The following NEMF variants were observed in gnomAD, a reference collection of about 807,000 sequenced individuals.
NEMF encodes the protein nuclear export mediator factor, also known as ribosome quality control complex subunit NEMF.
NEMF carries 89 observed loss-of-function variants against 162.2 expected under a neutral mutation model. The ratio of observed to expected loss-of-function variants is 0.55; its 90% CI spans 0.46 to 0.65. The LOEUF (loss-of-function observed/expected upper bound fraction) is 0.65. Ranked by LOEUF, NEMF falls within the 30% of genes least tolerant of loss-of-function variation. The probability of loss-of-function intolerance (pLI) is 0.00; values close to 1 mark genes in which losing one functional copy is unlikely to be tolerated. For synonymous variants in NEMF, 421 were observed against 404.5 expected (o/e 1.04, Z -0.49); for missense variants, 1,133 against 1,261.9 (o/e 0.90, Z 1.55).
chr14:49,813,904 C>T (rs1891600290), intron 18 of NEMF, 84 bp downstream of exon 18: 3 of 792,698 alleles, frequency 3.8e-6, no homozygotes, highest in African/African-American at 3.5e-5. Context: ...ACATCTGGCC[C>T]TCTATTAAAT....
At chr14:49,804,077 T>C (rs905078929) in intron 19 of NEMF, among the ~76,000 whole-genome samples, 1 of 151,156 alleles carries the variant, frequency 6.6e-6, no homozygotes, top group Admixed American at 6.6e-5. Context: ...TGATCTTGGC[T>C]CACTGCAATC....
intron 22 of NEMF, 60 bp downstream of exon 22, chr14:49,802,393 A>G: frequency 1.3e-5 from 20 of 1,564,912 alleles, no homozygotes; most frequent in Non-Finnish European, 1.7e-5. Flanking sequence ...CTAAGGATTT[A>G]GAAGCAAAAC....
chr14:49,813,987 C>CT lies in NEMF; in HGVS notation c.1744_1744+1insA (p.Gly582GlufsTer11). The CT allele has an allele frequency of 6.8e-7, 1 of 1,464,368 alleles. No individual in the cohort carries two copies. Among genetic ancestry groups the CT allele is most frequent in the Non-Finnish European group, 9.6e-7 (1 of 1,043,926 alleles). The allele number at this position is 1,464,368 out of a possible 1,614,324, so 90.7% of individuals were successfully genotyped here. ...ATTCTGAATAGAAAGAAATATATTA[C>CT]CTGTTGGATTCTTAATTACACAGCT... On this transcript the variant is annotated frameshift_variant and splice_region_variant. Transcript: ENST00000298310. LOFTEE classifies it high-confidence loss of function.
At chr14:49,796,466 T>C in intron 25 of NEMF, 1 of 302,268 alleles carries the variant, frequency 3.3e-6, no homozygotes, top group Non-Finnish European at 6.5e-6. Context: ...AGAGTCTACA[T>C]ACTCTGAATT....
intron 4 of NEMF, chr14:49,844,654 T>TA: frequency 6.2e-6 from 1 of 160,442 alleles, no homozygotes; most frequent in South Asian, 1.6e-4. Context: ...TTTTAATTTT[T>TA]AAAAAAATTA....
At chr14:49,796,486 T>A (rs1040813808) in intron 25 of NEMF, among the ~76,000 whole-genome samples, 10 of 152,080 alleles carry the variant, frequency 6.6e-5, no homozygotes, top group Non-Finnish European at 1.2e-4. Flanking sequence ...TTTTTTTTTT[T>A]AAAACGGAGT....
intron 3 of NEMF, among the ~76,000 whole-genome samples, chr14:49,850,577 A>G (rs1057308860): frequency 6.6e-6 from 1 of 152,206 alleles, no homozygotes; most frequent in Non-Finnish European, 1.5e-5. Context: ...CGTGTACCAC[A>G]TGAATTTTCA....
chr14:49,792,894 T>TA (rs1890520372), intron 26 of NEMF, among the ~76,000 whole-genome samples: 7 of 152,112 alleles, frequency 4.6e-5, no homozygotes, highest in Admixed American at 4.6e-4. Context: ...GGTATTAGGA[T>TA]GGTTTGGGCC....
intron 19 of NEMF, among the ~76,000 whole-genome samples, chr14:49,805,307 C>G (rs948635975): frequency 6.6e-6 from 1 of 152,032 alleles, no homozygotes; most frequent in African/African-American, 2.4e-5. Flanking sequence ...TTATAATTCT[C>G]AAAAGTATGA....
At chr14:49,850,931 C>CGGT (rs1442380244) in intron 3 of NEMF, among the ~76,000 whole-genome samples, 1 of 152,152 alleles carries the variant, frequency 6.6e-6, no homozygotes, top group Non-Finnish European at 1.5e-5. Context: ...GGGCCAGGCG[C>CGGT]GGTGGCTCAT....
chr14:49,832,166 A>T, intron 9 of NEMF, 40 bp from the exon 10 acceptor site: 1 of 1,596,428 alleles, frequency 6.3e-7, no homozygotes, highest in Non-Finnish European at 8.5e-7. Context: ...GAGAACATTA[A>T]CAAACATCCA....
rs141989587 is a variant in NEMF at position 49,831,331 on chromosome 14, C to T, written c.913G>A (p.Gly305Ser). Residue 305 changes from glycine to serine, a missense_variant, in exon 11 of 33, where the codon GGC (glycine) becomes AGC (serine). Physicochemically the swap from Gly to Ser is moderately conservative, Grantham distance 56. Around this residue, in one of 3 missense-constraint regions of NEMF, gnomAD observed 582 missense variants for 631.5 expected, o/e 0.92. Transcript: ENST00000298310. Reference sequence around the variant, plus strand: ...AAAGCTTTTAAGTCAATTTTCTGGCCTTCTATCTTGGAATAAAATTCATCC... The same window carrying T: ...AAAGCTTTTAAGTCAATTTTCTGGCTTTCTATCTTGGAATAAAATTCATCC... ...AVDEFYSKIEGQKIDLKALQQ... is the reference protein window; with the variant it reads ...AVDEFYSKIESQKIDLKALQQ... 3.1e-6 allele frequency: 5 copies of T among 1,602,378 alleles called. No individual in the cohort carries two copies. Among genetic ancestry groups the T allele is most frequent in the African/African-American group, 1.3e-5 (1 of 74,642 alleles).
intron 28 of NEMF, chr14:49,786,952 T>A (rs1890206713): frequency 1.9e-6 from 1 of 517,750 alleles, no homozygotes; most frequent in Non-Finnish European, 3.4e-6. Flanking sequence ...TTTTATTACT[T>A]AAGAAAGTAA....
intron 15 of NEMF, 104 bp downstream of exon 15, chr14:49,828,187 A>G (rs1454278896): frequency 7.1e-6 from 6 of 849,904 alleles, no homozygotes; most frequent in Non-Finnish European, 1.2e-5. Flanking sequence ...AGTTTGAAAG[A>G]TACTTCTGAA....
Position 49,828,684 on chromosome 14 carries a change from C to G in NEMF, c.1356G>C (p.Lys452Asn). ...KKKQKNKQLQ[K>N]PQKNKPLLVD... Reference sequence around the variant, plus strand: ...CAAGTAAGGGCTTATTTTTCTGAGGCTTCTGCAGCTGTTTATTCTTTTGTT... The same window carrying G: ...CAAGTAAGGGCTTATTTTTCTGAGGGTTCTGCAGCTGTTTATTCTTTTGTT... The change falls in exon 14 of 33, where the codon AAG (lysine) becomes AAC (asparagine). Residue 452 changes from lysine (K) to asparagine (N), a missense_variant. Coordinates refer to ENST00000298310, the MANE Select transcript of NEMF (RefSeq NM_004713.6). 6.2e-7 allele frequency: 1 copy of G among 1,602,634 alleles called. No individual in the cohort carries two copies. Among genetic ancestry groups the G allele is most frequent in the Non-Finnish European group, 8.5e-7 (1 of 1,177,002 alleles).
At chr14:49,848,221 T>C (rs563636860) in intron 3 of NEMF, among the ~76,000 whole-genome samples, 6 of 152,090 alleles carry the variant, frequency 3.9e-5, no homozygotes, top group Non-Finnish European at 7.3e-5. Flanking sequence ...TGGTATCGTC[T>C]CTAAGCTTTT....
At chr14:49,844,776 T>C in intron 4 of NEMF, 1 of 414,404 alleles carries the variant, frequency 2.4e-6, no homozygotes, top group Non-Finnish European at 4.9e-6. Flanking sequence ...TATATTTTTT[T>C]TTTCCTTTTT....
chr14:49,829,257 T>A lies in NEMF; in HGVS notation c.1029A>T (p.Ile343=), dbSNP rs756994949. The A allele has an allele frequency of 9.3e-6, 15 of 1,614,126 alleles. No homozygotes were observed. Among genetic ancestry groups the A allele is most frequent in the Non-Finnish European group, 1.1e-5 (13 of 1,180,002 alleles). Residue 343 remains isoleucine (I), a synonymous_variant, in exon 13 of 33, where the codon ATA becomes ATT. Coordinates refer to ENST00000298310, the MANE Select transcript of NEMF (RefSeq NM_004713.6). ...RLEALQQAQE[I]DKLKGELIEM... The stretch of plus-strand genomic sequence containing the variant: ...CTATGAGCTCTCCTTTCAGTTTGTC[T>A]ATTTCCTTAAAAAACAAACCACACA...
rs565574978 is a variant in NEMF, at chr14:49,819,697, G to T, written c.1578-4840C>A. Among the ~76,000 whole-genome samples the T allele has an allele frequency of 6.6e-5, 10 of 152,288 alleles. No homozygotes were observed. In the South Asian group the frequency reaches 2.1e-3, roughly 32 times the overall value. On this transcript the variant is annotated intron_variant, in intron 16 of 32. Coordinates refer to ENST00000298310, the MANE Select transcript of NEMF (RefSeq NM_004713.6). Reference sequence around the variant, plus strand: ...CCCAAAGTGCTGGGATTACAGGCGTGAGCCACCGCACCTAGCCTATCCCTG... The same window carrying T: ...CCCAAAGTGCTGGGATTACAGGCGTTAGCCACCGCACCTAGCCTATCCCTG...
Sources: allele counts gnomAD v4.1 joint callset (sites outside exome capture counted in the v4.1 genomes callset), GRCh38; gene constraint gnomAD v4.1.1; regional missense constraint gnomAD v4.1.1; transcripts MANE v1.5; gene names NCBI Gene and HGNC (gene_info 2026-07-23, HGNC 2026-07-21).